Variants in LRIG1 observed in about 807,000 individuals in gnomAD.
LRIG1 encodes leucine-rich repeats and immunoglobulin-like domains protein 1.
Under a neutral mutation model 99.2 loss-of-function variants are expected in LRIG1, and 48 were observed. The ratio of observed to expected loss-of-function variants is 0.48; its 90% CI spans 0.38 to 0.62. The LOEUF is 0.62. Among genes scored for constraint, LRIG1 ranks in the 20% least tolerant of loss-of-function variants. The pLI, the probability that LRIG1 is intolerant of heterozygous loss-of-function variation, is 0.00. For synonymous variants in LRIG1, 772 were observed against 596.1 expected (o/e 1.29, Z -4.30); for missense variants, 1,646 against 1,434.4 (o/e 1.15, Z -2.38).
At chr3:66,472,719 T>C (rs977749664) in intron 1 of LRIG1, among the ~76,000 whole-genome samples, 1 of 152,166 alleles carries the variant, frequency 6.6e-6, no homozygotes, top group Admixed American at 6.5e-5. Context: ...TGACTCTTGG[T>C]TCTTTAAGAA....
intron 3 of LRIG1, among the ~76,000 whole-genome samples, chr3:66,419,464 G>A (rs1429874850): frequency 6.6e-6 from 1 of 152,190 alleles, no homozygotes; most frequent in Non-Finnish European, 1.5e-5. Flanking sequence ...GTGTGTGGGA[G>A]TGAGGGCCAC....
At chr3:66,405,999 C>T in intron 8 of LRIG1, 1 of 991,438 alleles carries the variant, frequency 1.0e-6, no homozygotes, top group Non-Finnish European at 1.2e-6. Flanking sequence ...GGAGACCAGG[C>T]CCCCATCCTG....
chr3:66,426,901 C>T (rs748251871), intron 3 of LRIG1, among the ~76,000 whole-genome samples: 2 of 152,232 alleles, frequency 1.3e-5, no homozygotes, highest in African/African-American at 2.4e-5. Context: ...CCACAGTCAA[C>T]TATCTGAGTG....
chr3:66,382,472 C>G, intron 15 of LRIG1, 74 bp from the exon 16 acceptor site: 1 of 1,563,232 alleles, frequency 6.4e-7, no homozygotes, highest in African/African-American at 1.4e-5. Flanking sequence ...CACTGTCAAG[C>G]TCAGAAAGGG....
At chr3:66,488,302 C>G (rs754768338) in intron 1 of LRIG1, among the ~76,000 whole-genome samples, 1 of 151,776 alleles carries the variant, frequency 6.6e-6, no homozygotes, top group Non-Finnish European at 1.5e-5. Flanking sequence ...ATGAATTTGG[C>G]CAAAAACAGA....
chr3:66,386,394 C>T lies in LRIG1; in HGVS notation c.1469-93G>A, dbSNP rs1270369593. 7 of 1,078,534 alleles carry T rather than the reference C, an allele frequency of 6.5e-6. No individual in the cohort carries two copies. The East Asian group carries it at 1.4e-4, about 22-fold the overall frequency. The allele number at this position is 1,078,534 out of a possible 1,614,324, so 66.8% of individuals were successfully genotyped here. A position where few individuals can be genotyped will look rare whatever the true frequency, so the allele number is the denominator to read the frequency against. ...TGCTAACAGAAACTGACACAGACAC[C>T]AAGCAGGAACCAGAGCTTGAGGTCC... On this transcript the variant is annotated intron_variant, in intron 12 of 18. Transcript: ENST00000273261.
intron 13 of LRIG1, among the ~76,000 whole-genome samples, chr3:66,385,514 G>C (rs1701329814): frequency 1.3e-5 from 2 of 152,128 alleles, no homozygotes; most frequent in Admixed American, 1.3e-4. Context: ...ATGCAGTGGA[G>C]TGATCTCGGC....
chr3:66,438,379 C>A (rs1051747184), intron 3 of LRIG1, among the ~76,000 whole-genome samples: 7 of 152,212 alleles, frequency 4.6e-5, no homozygotes, highest in Admixed American at 1.3e-4. Context: ...AAAGAACATA[C>A]AGCCCAGGCC....
intron 1 of LRIG1, among the ~76,000 whole-genome samples, chr3:66,478,912 T>C (rs1700785084): frequency 6.6e-6 from 1 of 152,190 alleles, no homozygotes. Context: ...AGTAGCTCAA[T>C]GAGCCATTTT....
intron 1 of LRIG1, among the ~76,000 whole-genome samples, chr3:66,472,321 A>C (rs929184120): frequency 1.9e-4 from 29 of 151,212 alleles, no homozygotes; most frequent in African/African-American, 4.9e-4. Context: ...AAAAAAAAAA[A>C]AAAAAAAAAA....
intron 2 of LRIG1, among the ~76,000 whole-genome samples, chr3:66,458,663 C>A (rs1273558825): frequency 1.3e-5 from 2 of 152,080 alleles, no homozygotes; most frequent in Non-Finnish European, 2.9e-5. Flanking sequence ...GGTCACGCCA[C>A]TGCACTCCAG....
At chr3:66,440,718 C>T (rs538810008) in intron 3 of LRIG1, among the ~76,000 whole-genome samples, 45 of 152,296 alleles carry the variant, frequency 3.0e-4, no homozygotes, top group African/African-American at 1.0e-3. Flanking sequence ...GAGTGTCTAA[C>T]ACTCAGTGCA....
intron 8 of LRIG1, chr3:66,406,065 G>A (rs1228401974): frequency 1.0e-6 from 1 of 986,372 alleles, no homozygotes; most frequent in Non-Finnish European, 1.2e-6. Flanking sequence ...CCGAGCCCTT[G>A]CAGACACAGG....
chr3:66,500,296 G>C lies in LRIG1; in HGVS notation c.112C>G (p.Arg38Gly). 6.8e-7 allele frequency: 1 copy of C among 1,473,934 alleles called. No homozygotes were observed. Among genetic ancestry groups the C allele is most frequent in the South Asian group, 1.3e-5 (1 of 77,308 alleles). The allele number at this position is 1,473,934 out of a possible 1,614,324, so 91.3% of individuals were successfully genotyped here. ...GTGCAGGCGGCCGCGCAGGGCGCCCGCGGGCCGGCCGCGGCGGTCACCGGC... is the reference window on the plus strand; with the variant it reads ...GTGCAGGCGGCCGCGCAGGGCGCCCCCGGGCCGGCCGCGGCGGTCACCGGC... ...LEPVTAAAGP[R>G]APCAAACTCA... Residue 38 changes from arginine (R) to glycine (G), a missense_variant, in exon 1 of 19, where the codon CGG becomes GGG. Transcript: ENST00000273261.
At chr3:66,460,855 T>G (rs1700339835) in intron 2 of LRIG1, among the ~76,000 whole-genome samples, 1 of 152,240 alleles carries the variant, frequency 6.6e-6, no homozygotes, top group African/African-American at 2.4e-5. Flanking sequence ...CTGATGCTTC[T>G]TTAACTGTGG....
intron 16 of LRIG1, among the ~76,000 whole-genome samples, chr3:66,381,869 C>T (rs879925919): frequency 1.3e-5 from 2 of 152,088 alleles, no homozygotes; most frequent in African/African-American, 2.4e-5. Context: ...GGCAAGTGCT[C>T]AGAGGCCCCC....
chr3:66,429,785 T>TGG (rs1311712081), intron 3 of LRIG1, among the ~76,000 whole-genome samples: 26 of 133,988 alleles, frequency 1.9e-4, no homozygotes, highest in African/African-American at 7.3e-4. Context: ...GGAAACAGGG[T>TGG]GGGTGTGTGT....
At chr3:66,381,003 A>C in intron 17 of LRIG1, 142 bp from the exon 18 acceptor site, 1 of 778,988 alleles carries the variant, frequency 1.3e-6, no homozygotes, top group African/African-American at 1.7e-5. Context: ...CTTTTCCCCA[A>C]CTATGTCCCC....
At chr3:66,469,549 C>T (rs946732627) in intron 1 of LRIG1, among the ~76,000 whole-genome samples, 1 of 152,178 alleles carries the variant, frequency 6.6e-6, no homozygotes, top group African/African-American at 2.4e-5. Context: ...CCTCTGTGAT[C>T]CCATAAGGTC....
Sources: gnomAD v4.1 joint callset for allele counts (sites outside exome capture counted in the v4.1 genomes callset) on GRCh38, gnomAD v4.1.1 for gene constraint, MANE v1.5 for transcripts, NCBI Gene and HGNC (gene_info 2026-07-23, HGNC 2026-07-21) for gene names.